The following PUDP variants were observed in gnomAD, a reference collection of about 807,000 sequenced individuals.
PUDP encodes pseudouridine 5'-phosphatase, also known as pseudouridine-5'-phosphatase.
A neutral mutation model predicts 9.4 loss-of-function variants in PUDP; 8 were observed. The observed-to-expected ratio is 0.85, with a 90% CI of 0.50 to 1.53. The LOEUF is 1.53. Among genes scored for constraint, PUDP ranks in the 40% most tolerant of loss-of-function variants. The probability of loss-of-function intolerance (pLI) is 0.00; values close to 1 mark genes in which losing one functional copy is unlikely to be tolerated. For missense variants in PUDP, 188 were observed against 189.7 expected, an observed-to-expected ratio of 0.99 and a Z score of 0.05; for synonymous variants, 99 against 80.7, an observed-to-expected ratio of 1.23 and a Z score of -1.22.
chrX:6,800,736 C>T, intron 3 of PUDP, among the ~76,000 whole-genome samples: 1 of 111,766 alleles, frequency 8.9e-6, no homozygotes, highest in Non-Finnish European at 1.9e-5. Context: ...CTCACTGTCA[C>T]TGATCGATAT....
chrX:7,026,035 T>C (rs1034896583), intron 1 of PUDP, among the ~76,000 whole-genome samples: 2 of 112,691 alleles, frequency 1.8e-5, no homozygotes, highest in Non-Finnish European at 3.8e-5. Flanking sequence ...GTCTCCCCCA[T>C]AAGCCTTCTG....
intron 1 of PUDP, among the ~76,000 whole-genome samples, chrX:7,131,946 T>C (rs1323143825): frequency 9.1e-6 from 1 of 109,784 alleles, no homozygotes; most frequent in African/African-American, 3.3e-5. Flanking sequence ...CGGTGGCTCA[T>C]TTGGGATGCG....
At chrX:6,829,219 T>C (rs1375257243) in intron 3 of PUDP, among the ~76,000 whole-genome samples, 1 of 111,456 alleles carries the variant, frequency 9.0e-6, no homozygotes, top group Non-Finnish European at 1.9e-5. Flanking sequence ...AGCAAATCTA[T>C]GAGTTTTGTC....
At chrX:7,020,857 G>T (rs1406768376) in intron 1 of PUDP, among the ~76,000 whole-genome samples, 1 of 112,813 alleles carries the variant, frequency 8.9e-6, no homozygotes, top group Admixed American at 9.3e-5. Context: ...TCTGAACCCA[G>T]CCCAGAGTTG....
intron 3 of PUDP, among the ~76,000 whole-genome samples, chrX:6,931,057 C>T: frequency 9.0e-6 from 1 of 111,342 alleles, no homozygotes; most frequent in East Asian, 2.8e-4. Flanking sequence ...CTGCAGTTAT[C>T]CTGTGACCTG....
intron 1 of PUDP, among the ~76,000 whole-genome samples, chrX:7,129,085 T>G (rs1932555058): frequency 8.9e-6 from 1 of 111,943 alleles, no homozygotes; most frequent in South Asian, 3.8e-4. Context: ...CCGAGTACCC[T>G]TAGCCTTCGG....
chrX:6,998,350 T>G (rs1284384744), intron 1 of PUDP, among the ~76,000 whole-genome samples: 3 of 111,649 alleles, frequency 2.7e-5, no homozygotes, highest in Non-Finnish European at 5.6e-5. Flanking sequence ...CTTGCTGGAC[T>G]AGATCAATGG....
chrX:7,063,554 C>A (rs116199801), intron 3 of PUDP, among the ~76,000 whole-genome samples: 1,836 of 111,943 alleles, frequency 0.016, 35 homozygotes, highest in African/African-American at 0.053. Flanking sequence ...AGGTACCGTG[C>A]TTCCTGTCTA....
chrX:7,091,339 C>T (rs1931414957), intron 2 of PUDP, among the ~76,000 whole-genome samples: 1 of 111,414 alleles, frequency 9.0e-6, no homozygotes, highest in Non-Finnish European at 1.9e-5. Flanking sequence ...TTTAACTGGA[C>T]TTTTTATTCG....
At chrX:7,060,472 C>T (rs1037655441) in intron 3 of PUDP, among the ~76,000 whole-genome samples, 1 of 111,946 alleles carries the variant, frequency 8.9e-6, no homozygotes, top group African/African-American at 3.2e-5. Flanking sequence ...AGATTCCTCC[C>T]ATTAAATGAG....
intron 3 of PUDP, among the ~76,000 whole-genome samples, chrX:6,925,457 G>C (rs1312769852): frequency 2.7e-5 from 3 of 111,655 alleles, no homozygotes; most frequent in Non-Finnish European, 5.6e-5. Context: ...CAAAAGGAAT[G>C]GGCAGCAGGA....
chrX:6,732,878 C>T (rs7059942), intron 3 of PUDP, among the ~76,000 whole-genome samples: 18,095 of 111,499 alleles, frequency 0.16, 2,982 homozygotes, highest in African/African-American at 0.51. Context: ...TGTAGGTTAA[C>T]TTTAAAGATA....
chrX:7,122,924 T>C (rs1226103904), intron 1 of PUDP, among the ~76,000 whole-genome samples: 2 of 112,779 alleles, frequency 1.8e-5, no homozygotes, highest in Non-Finnish European at 3.7e-5. Context: ...TATAAAGTTT[T>C]ACTTTATTTT....
chrX:6,838,612 C>T (rs1926619735), intron 3 of PUDP, among the ~76,000 whole-genome samples: 2 of 112,248 alleles, frequency 1.8e-5, no homozygotes, highest in Non-Finnish European at 3.8e-5. Context: ...CTTATTGCCA[C>T]TCATTGGCAA....
At chrX:7,071,925 C>T (rs1377218627) in intron 3 of PUDP, among the ~76,000 whole-genome samples, 1 of 110,114 alleles carries the variant, frequency 9.1e-6, no homozygotes, top group Non-Finnish European at 1.9e-5. Flanking sequence ...TACAGGCAGG[C>T]GCCACCACAC....
intron 1 of PUDP, among the ~76,000 whole-genome samples, chrX:6,983,803 C>T (rs1288346973): frequency 1.8e-5 from 2 of 112,216 alleles, no homozygotes; most frequent in Non-Finnish European, 3.8e-5. Context: ...CTCCATAGGG[C>T]ATAGGCCAAG....
At chrX:6,933,028 A>C (rs1158176713) in intron 3 of PUDP, among the ~76,000 whole-genome samples, 2 of 110,541 alleles carry the variant, frequency 1.8e-5, no homozygotes, top group Non-Finnish European at 3.8e-5. Context: ...TGTAGGCTCC[A>C]CCTCTGGGGG....
chrX:6,769,566 T>C (rs764024311), intron 3 of PUDP, among the ~76,000 whole-genome samples: 1 of 112,324 alleles, frequency 8.9e-6, no homozygotes, highest in Non-Finnish European at 1.9e-5. Flanking sequence ...AAACCAGGAT[T>C]ATGCTTTTTC....
chrX:7,147,445 G>A (rs751566199), intron 1 of PUDP, among the ~76,000 whole-genome samples: 15 of 111,605 alleles, frequency 1.3e-4, no homozygotes, highest in Non-Finnish European at 2.3e-4. Context: ...AGATGCCAGT[G>A]ACCCCATCAC....
Sources: allele counts gnomAD v4.1 joint callset (sites outside exome capture counted in the v4.1 genomes callset), GRCh38; gene constraint gnomAD v4.1.1; transcripts MANE v1.5; gene names NCBI Gene and HGNC (gene_info 2026-07-23, HGNC 2026-07-21).